Variants in SORT1 observed in about 807,000 individuals in gnomAD.
SORT1 encodes the protein sortilin 1.
In SORT1, 39 loss-of-function variants were observed where a neutral mutation model predicts 101.7. The observed-to-expected ratio is 0.38, with a 90% CI of 0.30 to 0.50. SORT1 has a LOEUF of 0.50. SORT1 is among the 20% of genes least tolerant of loss of function. SORT1 has a pLI of 0.90. For missense variants in SORT1, 878 were observed against 1,040.4 expected (o/e 0.84, Z 2.15); for synonymous variants, 396 against 393.7 (o/e 1.01, Z -0.07).
chr1:109,352,485 G>A (rs114082142), intron 5 of SORT1, among the ~76,000 whole-genome samples: 6 of 152,262 alleles, frequency 3.9e-5, no homozygotes, highest in Non-Finnish European at 5.9e-5. Context: ...ACATTACACC[G>A]GCAATGTGAG....
intron 5 of SORT1, among the ~76,000 whole-genome samples, chr1:109,352,802 A>G (rs1354479123): frequency 2.0e-5 from 3 of 152,250 alleles, no homozygotes; most frequent in Admixed American, 6.5e-5. Flanking sequence ...CAGGTACAGA[A>G]GCAGACTGTA....
chr1:109,310,411 A>T lies in SORT1; in HGVS notation c.*3632T>A, dbSNP rs571570986. 3.2e-5 allele frequency: 5 copies of T among 155,464 alleles called. No homozygotes were observed. In the Admixed American group the frequency reaches 3.3e-4, roughly 10 times the overall value. The allele number at this position is 155,464 out of a possible 1,614,324, so 9.6% of individuals were successfully genotyped here. A position where few individuals can be genotyped will look rare whatever the true frequency, so the allele number is the denominator to read the frequency against. ...AGGATGGTGCTCCTAGAGCTACCTG[A>T]GCTGGACAAACCCATGGCAGACAGA... On this transcript the variant is annotated 3_prime_UTR_variant, in exon 20 of 20. Transcript: ENST00000256637.
In SORT1 at chr1:109,321,085, G is replaced by A. The variant is rs190168521; in HGVS notation, c.2024+1847C>T. ...GCGAGGTTAAATGTAAATTGCTTAGGATAGTGCCTAGTATAAAGTTAGTGC... is the reference window on the plus strand; with the variant it reads ...GCGAGGTTAAATGTAAATTGCTTAGAATAGTGCCTAGTATAAAGTTAGTGC... On this transcript the variant is annotated intron_variant, in intron 15 of 19. Transcript: ENST00000256637. Among the ~76,000 whole-genome samples the A allele has an allele frequency of 7.4e-4, 113 of 152,296 alleles. No homozygotes were observed. In the Middle Eastern group the frequency reaches 0.014, roughly 18 times the overall value.
chr1:109,375,459 C>G (rs546338673), intron 1 of SORT1, among the ~76,000 whole-genome samples: 1 of 144,070 alleles, frequency 6.9e-6, no homozygotes, highest in Non-Finnish European at 1.5e-5. Context: ...AGGAGAATGG[C>G]GTGAACCCCA....
At chr1:109,324,873 T>A in intron 14 of SORT1, 26 bp downstream of exon 14, 1 of 1,487,288 alleles carries the variant, frequency 6.7e-7, no homozygotes, top group South Asian at 1.2e-5. Flanking sequence ...AAGTTTCTGG[T>A]AGAAAAGGTC....
intron 1 of SORT1, 22 bp downstream of exon 1, chr1:109,397,565 C>A: frequency 2.6e-6 from 3 of 1,171,596 alleles, no homozygotes; most frequent in Non-Finnish European, 3.2e-6. Flanking sequence ...CCGAGCGGCT[C>A]CCGGGCCCGG....
chr1:109,370,953 AG>A (rs1440460232), intron 1 of SORT1, among the ~76,000 whole-genome samples: 2 of 152,254 alleles, frequency 1.3e-5, no homozygotes, highest in East Asian at 3.8e-4. Flanking sequence ...CTAAAGAAAC[AG>A]AACTCAAAAC....
At chr1:109,314,998 C>T (rs1259995545) in intron 17 of SORT1, among the ~76,000 whole-genome samples, 1 of 152,104 alleles carries the variant, frequency 6.6e-6, no homozygotes, top group African/African-American at 2.4e-5. Flanking sequence ...TGCCTTGAAC[C>T]TTCAAATTCT....
chr1:109,372,406 T>C (rs1651533390), intron 1 of SORT1, among the ~76,000 whole-genome samples: 1 of 152,142 alleles, frequency 6.6e-6, no homozygotes, highest in South Asian at 2.1e-4. Flanking sequence ...GCAATAAATA[T>C]TGAATTCTTT....
At position 109,340,783 on chromosome 1, in the gene SORT1, G is replaced by A. The variant is rs202245759; in HGVS notation, c.1205C>T (p.Thr402Met). The A allele has an allele frequency of 8.2e-5, 132 of 1,613,914 alleles. No homozygotes were observed. The highest frequency in any genetic ancestry group is 1.1e-4 in the Non-Finnish European group (124 of 1,179,954). The change falls in exon 10 of 20, where the codon ACG becomes ATG. Residue 402 changes from threonine to methionine, a missense_variant. Around this residue, in one of 2 missense-constraint regions of SORT1, gnomAD observed 684 missense variants for 894.5 expected, o/e 0.76. Transcript: ENST00000256637. ...GAGGGAGGTCACGTTGGTAAAGTCC[G>A]TCTCTCCGCCTGTGGTAGTGTAGAG... ...RHLYTTTGGE[T>M]DFTNVTSLRG... is the part of the protein sequence containing the mutation.
chr1:109,390,126 G>A (rs1022401232), intron 1 of SORT1, among the ~76,000 whole-genome samples: 2 of 151,856 alleles, frequency 1.3e-5, no homozygotes, highest in South Asian at 2.1e-4. Context: ...TACTTCCTTC[G>A]TGCCGTTACA....
intron 3 of SORT1, among the ~76,000 whole-genome samples, chr1:109,364,192 G>A (rs189599346): frequency 4.6e-5 from 7 of 152,224 alleles, no homozygotes; most frequent in East Asian, 1.9e-4. Context: ...TCAGGAAAGC[G>A]GGGTTTTTCA....
intron 1 of SORT1, among the ~76,000 whole-genome samples, chr1:109,396,246 G>C (rs1653171061): frequency 6.6e-6 from 1 of 152,126 alleles, no homozygotes; most frequent in Non-Finnish European, 1.5e-5. Context: ...CCTAAAGTTA[G>C]GTCAACCAGC....
rs144932909 is a variant in SORT1 at position 109,340,846 on chromosome 1, T to C, written c.1142A>G (p.Asp381Gly). Residue 381 changes from aspartate (D) to glycine (G), a missense_variant, in exon 10 of 20, where the codon GAT becomes GGT. Transcript: ENST00000256637. ...TGFGTIFTSD[D>G]RGIVYSKSLD... ...AGACTTGGAATAGACAATGCCTCGA[T>C]CATCTGAGGTAAAGATTGTGCCAAA... 3.5e-5 allele frequency: 57 copies of C among 1,613,716 alleles called. No individual in the cohort carries two copies. The highest frequency in any genetic ancestry group is 4.4e-5 in the Non-Finnish European group (52 of 1,179,800).
rs573196874 is a variant in SORT1 at position 109,379,413 on chromosome 1, G to A, written c.307-9824C>T. 2.6e-5 allele frequency among the ~76,000 whole-genome samples: 4 copies of A among 152,304 alleles called. No individual in the cohort carries two copies. In the East Asian group the frequency reaches 7.7e-4, roughly 29 times the overall value. ...GGGCCACATGTGGCCCACGGGCTGT[G>A]GGTTGGACAAGCTTCATTTGGCACA... On this transcript the variant is annotated intron_variant, in intron 1 of 19. Coordinates refer to ENST00000256637, the MANE Select transcript of SORT1 (RefSeq NM_002959.7).
intron 15 of SORT1, among the ~76,000 whole-genome samples, chr1:109,322,714 G>GTT (rs1647716974): frequency 6.6e-6 from 1 of 151,968 alleles, no homozygotes; most frequent in Non-Finnish European, 1.5e-5. Flanking sequence ...TTGTTTGTTT[G>GTT]TTTTTTGTAG....
intron 3 of SORT1, among the ~76,000 whole-genome samples, chr1:109,358,442 T>C (rs549120846): frequency 3.3e-5 from 5 of 152,282 alleles, no homozygotes; most frequent in South Asian, 2.1e-4. Context: ...GAAGAGGAAA[T>C]TGATGAAGCA....
intron 5 of SORT1, among the ~76,000 whole-genome samples, chr1:109,351,965 G>GGTGTGTGTGTGTGTGTGTGT (rs10540637): frequency 3.0e-4 from 44 of 147,508 alleles, no homozygotes; most frequent in African/African-American, 1.0e-3. Flanking sequence ...GAGAGGTAGG[G>GGTGTGTGTGTGTGTGTGTGT]GTGTGTGTGT....
rs199700358 is a variant in SORT1 at position 109,345,728 on chromosome 1, A to G, written c.963+23T>C. 5.0e-6 allele frequency: 8 copies of G among 1,597,530 alleles called. No individual in the cohort carries two copies. In the East Asian group the frequency reaches 1.6e-4, roughly 31 times the overall value. ...GATATTTGCAGAAATATCAGACCCCAAAGGGGAGAGGGCAATACCTACCTT... is the reference window on the plus strand; with the variant it reads ...GATATTTGCAGAAATATCAGACCCCGAAGGGGAGAGGGCAATACCTACCTT... On this transcript the variant is annotated intron_variant, in intron 8 of 19. Coordinates refer to ENST00000256637, the MANE Select transcript of SORT1 (RefSeq NM_002959.7).
Sources: allele counts gnomAD v4.1 joint callset (sites outside exome capture counted in the v4.1 genomes callset), GRCh38; gene constraint gnomAD v4.1.1; regional missense constraint gnomAD v4.1.1; transcripts MANE v1.5; gene names NCBI Gene and HGNC (gene_info 2026-07-23, HGNC 2026-07-21).